ALMS1: variants seen among roughly 807,000 people sequenced by gnomAD.
ALMS1 encodes the protein centrosome-associated protein ALMS1.
ALMS1 carries 271 observed loss-of-function variants against 352.2 expected under a neutral mutation model. The observed-to-expected ratio is 0.77, with a 90% CI of 0.70 to 0.85. The LOEUF (loss-of-function observed/expected upper bound fraction) is 0.85. Ranked by LOEUF, ALMS1 falls within the 40% of genes least tolerant of loss-of-function variation. ALMS1 has a pLI of 0.00. For missense variants in ALMS1, 5,445 were observed against 4,870.7 expected (o/e 1.12, Z -3.51); for synonymous variants, 1,865 against 1,761.2 (o/e 1.06, Z -1.48).
At chr2:73,478,990 T>C (rs1672639816) in intron 9 of ALMS1, among the ~76,000 whole-genome samples, 1 of 152,190 alleles carries the variant, frequency 6.6e-6, no homozygotes, top group Admixed American at 6.5e-5. Flanking sequence ...GCTTCCGGCT[T>C]CATCCATGTC....
intron 3 of ALMS1, among the ~76,000 whole-genome samples, chr2:73,421,964 AT>A (rs1671292938): frequency 6.6e-6 from 1 of 152,030 alleles, no homozygotes; most frequent in African/African-American, 2.4e-5. Context: ...TTTTTTTTTC[AT>A]TAAAGCAGCA....
intron 12 of ALMS1, among the ~76,000 whole-genome samples, chr2:73,536,073 G>C (rs1015405772): frequency 6.6e-5 from 10 of 152,112 alleles, no homozygotes; most frequent in Non-Finnish European, 2.9e-5. Context: ...AGATTGTTAA[G>C]TTTATAGCCA....
At chr2:73,411,156 A>G (rs546111346) in intron 2 of ALMS1, among the ~76,000 whole-genome samples, 32 of 152,058 alleles carry the variant, frequency 2.1e-4, no homozygotes, top group African/African-American at 5.8e-4. Flanking sequence ...TCTTAATCCA[A>G]TCTAACTGGT....
At position 73,465,740 on chromosome 2, in the gene ALMS1, C is replaced by A. The variant is rs372597446; in HGVS notation, c.7674+10445C>A. ...GAGAAAATTTTCGCAACCTACTCAT[C>A]TGACAAAGGGCTAATATCCAGAATC... On this transcript the variant is annotated intron_variant, in intron 9 of 22. Transcript: ENST00000613296. Among the ~76,000 whole-genome samples, 32 of 151,876 alleles carry A rather than the reference C, an allele frequency of 2.1e-4. No individual in the cohort carries two copies. In the East Asian group the frequency reaches 5.6e-3, roughly 27 times the overall value.
chr2:73,442,300 A>T (rs1422608628), intron 7 of ALMS1, among the ~76,000 whole-genome samples: 1 of 152,114 alleles, frequency 6.6e-6, no homozygotes, highest in Non-Finnish European at 1.5e-5. Flanking sequence ...TCATATTATT[A>T]TTATGCCATA....
At chr2:73,567,986 A>C (rs559779634) in intron 15 of ALMS1, among the ~76,000 whole-genome samples, 13 of 152,302 alleles carry the variant, frequency 8.5e-5, no homozygotes, top group African/African-American at 2.9e-4. Flanking sequence ...AGAAACTGAG[A>C]AAAGGGGCTA....
chr2:73,555,463 A>AG (rs1242993642), intron 13 of ALMS1, among the ~76,000 whole-genome samples: 1 of 152,230 alleles, frequency 6.6e-6, no homozygotes, highest in Non-Finnish European at 1.5e-5. Context: ...AGAAATGTAT[A>AG]GTATACCAGG....
intron 10 of ALMS1, among the ~76,000 whole-genome samples, chr2:73,516,985 C>A (rs914928568): frequency 2.6e-5 from 4 of 152,170 alleles, no homozygotes; most frequent in African/African-American, 9.6e-5. Context: ...GACTTGGTTT[C>A]TTATAGTGCC....
chr2:73,434,358 T>C (rs1671567684), intron 7 of ALMS1, among the ~76,000 whole-genome samples: 1 of 152,360 alleles, frequency 6.6e-6, no homozygotes, highest in South Asian at 2.1e-4. Flanking sequence ...TTGTGATTTT[T>C]CTACATTTAC....
At chr2:73,485,659 G>A (rs547457080) in intron 9 of ALMS1, among the ~76,000 whole-genome samples, 6 of 152,278 alleles carry the variant, frequency 3.9e-5, no homozygotes, top group South Asian at 2.1e-4. Context: ...AATGGCGGGC[G>A]CCCCTCCCCC....
At chr2:73,461,702 C>T (rs979355216) in intron 9 of ALMS1, among the ~76,000 whole-genome samples, 2 of 152,130 alleles carry the variant, frequency 1.3e-5, no homozygotes, top group African/African-American at 2.4e-5. Flanking sequence ...AAGTTAAAAA[C>T]TTTCAAAAAA....
rs769291842 is a variant in ALMS1, at chr2:73,448,747, T to TA, written c.2221dup (p.Thr741AsnfsTer2). On this transcript the variant is annotated frameshift_variant, in exon 8 of 23. Coordinates refer to ENST00000613296, the MANE Select transcript of ALMS1 (RefSeq NM_001378454.1). LOFTEE classifies it high-confidence loss of function. Reference sequence around the variant, plus strand: ...ACAGTCATCAAACTGAAGAGACTCTTACTAAAGTTTCAGCCACTCCTGGAC... The same window carrying TA: ...ACAGTCATCAAACTGAAGAGACTCTTAACTAAAGTTTCAGCCACTCCTGGAC... The TA allele has an allele frequency of 6.2e-6, 10 of 1,605,354 alleles. No homozygotes were observed. The highest frequency in any genetic ancestry group is 8.5e-6 in the Non-Finnish European group (10 of 1,174,114).
At chr2:73,564,908 A>G (rs1019676437) in intron 15 of ALMS1, among the ~76,000 whole-genome samples, 2 of 152,248 alleles carry the variant, frequency 1.3e-5, no homozygotes, top group African/African-American at 4.8e-5. Context: ...GTTCACACAG[A>G]TTTACAGTCA....
intron 9 of ALMS1, among the ~76,000 whole-genome samples, chr2:73,481,879 G>C (rs1260123892): frequency 2.0e-5 from 3 of 151,150 alleles, no homozygotes; most frequent in Admixed American, 2.0e-4. Context: ...CTCTCTGTTT[G>C]TCTGTTGTTG....
chr2:73,522,467 C>CTTTTTTTTTTTTTTTTTTTTTTT (rs137919148), intron 11 of ALMS1, among the ~76,000 whole-genome samples: 1 of 106,754 alleles, frequency 9.4e-6, no homozygotes, highest in Non-Finnish European at 1.8e-5. Context: ...GGTTGAGGTC[C>CTTTTTTTTTTTTTTTTTTTTTTT]TTTTTTTTTT....
At chr2:73,509,775 C>T (rs910194718) in intron 10 of ALMS1, among the ~76,000 whole-genome samples, 1 of 152,064 alleles carries the variant, frequency 6.6e-6, no homozygotes, top group South Asian at 2.1e-4. Flanking sequence ...TTGTGGTGTT[C>T]TCTGTATTTC....
chr2:73,525,399 G>A (rs1044950931), intron 11 of ALMS1, among the ~76,000 whole-genome samples: 1 of 152,164 alleles, frequency 6.6e-6, no homozygotes, highest in African/African-American at 2.4e-5. Flanking sequence ...CAGCAACAGT[G>A]TACAAGAGTT....
chr2:73,426,227 A>T (rs1671374722), intron 5 of ALMS1, among the ~76,000 whole-genome samples: 1 of 152,356 alleles, frequency 6.6e-6, no homozygotes, highest in African/African-American at 2.4e-5. Context: ...AATGCCATTA[A>T]AGGTCCACCT....
At chr2:73,417,402 T>G (rs1042127539) in intron 2 of ALMS1, among the ~76,000 whole-genome samples, 3 of 152,202 alleles carry the variant, frequency 2.0e-5, no homozygotes, top group African/African-American at 7.2e-5. Context: ...TTGAAGTTGC[T>G]TAAATAAATA....
Sources: gnomAD v4.1 joint callset for allele counts (sites outside exome capture counted in the v4.1 genomes callset) on GRCh38, gnomAD v4.1.1 for gene constraint, MANE v1.5 for transcripts, NCBI Gene and HGNC (gene_info 2026-07-23, HGNC 2026-07-21) for gene names.